The following PTPN20 variants were observed in gnomAD, a reference collection of about 807,000 sequenced individuals.
PTPN20 encodes protein tyrosine phosphatase non-receptor type 20.
In PTPN20, 9 loss-of-function variants were observed where a neutral mutation model predicts 35.0. That is an observed-to-expected ratio of 0.26 (90% CI 0.15 to 0.45). The LOEUF is 0.45. Among genes scored for constraint, PTPN20 ranks in the 20% least tolerant of loss-of-function variants. The probability of loss-of-function intolerance (pLI) is 1.00; values close to 1 mark genes in which losing one functional copy is unlikely to be tolerated. For synonymous variants in PTPN20, 32 were observed against 100.2 expected (o/e 0.32, Z 4.06); for missense variants, 111 against 312.5 (o/e 0.36, Z 4.86).
intron 5 of PTPN20, among the ~76,000 whole-genome samples, chr10:46,953,427 G>A (rs1350424149): frequency 8.4e-5 from 10 of 118,348 alleles, no homozygotes; most frequent in Non-Finnish European, 1.3e-4. Flanking sequence ...TATTGCATTC[G>A]CTAGGACTTT....
chr10:47,000,007 T>TA (rs1459090267), intron 10 of PTPN20, 33 bp downstream of exon 10: 2 of 1,612,786 alleles, frequency 1.2e-6, no homozygotes, highest in Non-Finnish European at 1.7e-6. Flanking sequence ...ATAATAAGAA[T>TA]AATGAATATA....
intron 10 of PTPN20, 148 bp downstream of exon 10, chr10:47,000,122 C>G: frequency 1.6e-6 from 2 of 1,226,728 alleles, no homozygotes; most frequent in Admixed American, 1.8e-5. Flanking sequence ...CTCTGATTCT[C>G]TGGTATTCCT....
intron 9 of PTPN20, 102 bp from the exon 10 acceptor site, chr10:46,999,810 T>C (rs2059782496): frequency 7.3e-7 from 1 of 1,374,436 alleles, no homozygotes. Flanking sequence ...AATGAGATCT[T>C]TCTGATTAAA....
At chr10:46,983,147 G>C (rs1240417796) in intron 7 of PTPN20, among the ~76,000 whole-genome samples, 3 of 148,322 alleles carry the variant, frequency 2.0e-5, no homozygotes, top group Non-Finnish European at 4.4e-5. Flanking sequence ...CGCGGTCTCA[G>C]ATCACTGCAG....
At position 47,001,192 on chromosome 10, in the gene PTPN20, A is replaced by G. The variant is rs1055136992; in HGVS notation, c.*451A>G. 82 of 194,110 alleles carry G rather than the reference A, an allele frequency of 4.2e-4. No individual in the cohort carries two copies. Among genetic ancestry groups the G allele is most frequent in the Admixed American group, 1.1e-3 (21 of 18,892 alleles). The allele number at this position is 194,110 out of a possible 1,614,324, so 12.0% of individuals were successfully genotyped here. A position where few individuals can be genotyped will look rare whatever the true frequency, so the allele number is the denominator to read the frequency against. ...CCAGGCATTTTTAAGACAGATGTCT[A>G]TTCATGTTCTTTAGCTAGAGCCTGT... On this transcript the variant is annotated 3_prime_UTR_variant, in exon 11 of 11. Transcript: ENST00000374339.
At chr10:47,003,044 A>C (rs921984974), downstream of PTPN20, among the ~76,000 whole-genome samples, 74 of 152,136 alleles carry the variant, frequency 4.9e-4, no homozygotes, top group East Asian at 0.014. Flanking sequence ...GGTTCATGTA[A>C]TTGAACAAGA....
intron 7 of PTPN20, among the ~76,000 whole-genome samples, chr10:46,976,351 G>T (rs2053581941): frequency 2.1e-5 from 2 of 97,294 alleles, no homozygotes; most frequent in Non-Finnish European, 2.1e-5. Flanking sequence ...TGAATTAATT[G>T]TTTGATTGGA....
intron 9 of PTPN20, among the ~76,000 whole-genome samples, chr10:46,995,705 G>A (rs1228353542): frequency 6.6e-6 from 1 of 152,172 alleles, no homozygotes; most frequent in African/African-American, 2.4e-5. Context: ...CTTCCTGTGG[G>A]TTGAGGTAGG....
chr10:46,945,570 G>T (rs1245922888), intron 4 of PTPN20, among the ~76,000 whole-genome samples: 3 of 152,210 alleles, frequency 2.0e-5, no homozygotes, highest in Non-Finnish European at 4.4e-5. Flanking sequence ...CTGATAAGGG[G>T]CCTTGATTTA....
intron 9 of PTPN20, among the ~76,000 whole-genome samples, chr10:46,994,460 T>C (rs1315287234): frequency 6.6e-6 from 1 of 150,590 alleles, no homozygotes; most frequent in Non-Finnish European, 1.5e-5. Flanking sequence ...GCCTCCCAAG[T>C]AGCTGGGACT....
At chr10:46,928,446 A>G (rs1327540665) in intron 1 of PTPN20, among the ~76,000 whole-genome samples, 8 of 152,124 alleles carry the variant, frequency 5.3e-5, no homozygotes, top group Middle Eastern at 3.4e-3. Flanking sequence ...GCAAGTAAAG[A>G]TGGTTTTCCT....
chr10:46,932,232 T>C (rs1235648518), intron 1 of PTPN20, 145 bp from the exon 2 acceptor site: 7 of 1,272,458 alleles, frequency 5.5e-6, no homozygotes, highest in African/African-American at 4.7e-5. Flanking sequence ...CTGAAATTAT[T>C]TGATAAAATT....
At chr10:46,947,164 T>C (rs1389046583) in intron 5 of PTPN20, among the ~76,000 whole-genome samples, 1 of 145,004 alleles carries the variant, frequency 6.9e-6, no homozygotes, top group African/African-American at 2.5e-5. Context: ...ATATATAATA[T>C]AAATGTAATT....
chr10:47,003,298 G>GC (rs1287992191), downstream of PTPN20, among the ~76,000 whole-genome samples: 4 of 151,844 alleles, frequency 2.6e-5, no homozygotes, highest in East Asian at 1.9e-4. Context: ...GAAAAACAGA[G>GC]CCCCCCCTAT....
At chr10:47,003,519 A>T (rs1057279333), downstream of PTPN20, among the ~76,000 whole-genome samples, 2 of 151,870 alleles carry the variant, frequency 1.3e-5, no homozygotes, top group African/African-American at 4.8e-5. Flanking sequence ...AAGATACAAG[A>T]TAACTATGTA....
At chr10:47,000,496 T>C (rs958822330) in intron 10 of PTPN20, among the ~76,000 whole-genome samples, 180 bp from the exon 11 acceptor site, 3 of 152,178 alleles carry the variant, frequency 2.0e-5, no homozygotes, top group Admixed American at 6.5e-5. Context: ...ATTTTGATCA[T>C]TTATCTTCCT....
intron 3 of PTPN20, among the ~76,000 whole-genome samples, chr10:46,941,246 G>A (rs2043396466): frequency 6.8e-6 from 1 of 147,854 alleles, no homozygotes; most frequent in Non-Finnish European, 1.5e-5. Flanking sequence ...GAACTGCGAT[G>A]ATGATGCTGG....
chr10:46,932,261 G>A (rs1290743629), intron 1 of PTPN20, 116 bp from the exon 2 acceptor site: 5 of 1,383,808 alleles, frequency 3.6e-6, no homozygotes, highest in East Asian at 2.6e-5. Flanking sequence ...AATTTATTTT[G>A]TCTTTAATTA....
chr10:46,948,141 T>C (rs2045567681), intron 5 of PTPN20, among the ~76,000 whole-genome samples: 1 of 152,116 alleles, frequency 6.6e-6, no homozygotes, highest in South Asian at 2.1e-4. Context: ...CTTTCTTGGT[T>C]GTGTCAAGTC....
Sources: allele counts gnomAD v4.1 joint callset (sites outside exome capture counted in the v4.1 genomes callset), GRCh38; gene constraint gnomAD v4.1.1; transcripts MANE v1.5; gene names NCBI Gene and HGNC (gene_info 2026-07-23, HGNC 2026-07-21).